Variants in EPB41L4A observed in about 807,000 individuals in gnomAD.
The protein encoded by EPB41L4A is band 4.1-like protein 4A.
In EPB41L4A, 100 loss-of-function variants were observed where a neutral mutation model predicts 108.6. That is an observed-to-expected ratio of 0.92 (90% CI 0.78 to 1.09). EPB41L4A has a LOEUF of 1.09. Ranked by LOEUF, EPB41L4A falls within the 50% of genes least tolerant of loss-of-function variation. The pLI is 0.00. For synonymous variants in EPB41L4A, 319 were observed against 289.0 expected, an observed-to-expected ratio of 1.10 and a Z score of -1.05; for missense variants, 1,030 against 842.7, an observed-to-expected ratio of 1.22 and a Z score of -2.75.
At chr5:112,237,023 T>A (rs1192339503) in intron 11 of EPB41L4A, among the ~76,000 whole-genome samples, 1 of 152,182 alleles carries the variant, frequency 6.6e-6, no homozygotes, top group Non-Finnish European at 1.5e-5. Flanking sequence ...AGGATCTGGG[T>A]TCCCAGGGGA....
chr5:112,156,472 C>A (rs1759651312), intron 12 of EPB41L4A, among the ~76,000 whole-genome samples: 1 of 150,764 alleles, frequency 6.6e-6, no homozygotes, highest in Admixed American at 6.6e-5. Flanking sequence ...GTCAGGCAGA[C>A]AGCAAGCGAA....
At chr5:112,254,966 C>G (rs771887602) in intron 9 of EPB41L4A, among the ~76,000 whole-genome samples, 1 of 152,074 alleles carries the variant, frequency 6.6e-6, no homozygotes, top group South Asian at 2.1e-4. Flanking sequence ...CCACTGTAGC[C>G]CTCGAGGGAT....
At chr5:112,153,186 T>A (rs1158322517) in intron 12 of EPB41L4A, among the ~76,000 whole-genome samples, 1 of 150,034 alleles carries the variant, frequency 6.7e-6, no homozygotes, top group African/African-American at 2.5e-5. Context: ...ACCATTGCAC[T>A]CCAGCCTGAG....
At chr5:112,419,525 C>G (rs549030243), upstream of EPB41L4A, 1 of 414,672 alleles carries the variant, frequency 2.4e-6, no homozygotes, top group Admixed American at 2.6e-5. Flanking sequence ...TCCGATCGGC[C>G]TGCGGAGTCC....
intron 1 of EPB41L4A, among the ~76,000 whole-genome samples, chr5:112,338,274 A>G (rs7720546): frequency 0.87 from 132,155 of 152,062 alleles, 57,610 homozygotes; most frequent in South Asian, 0.96. Flanking sequence ...TTCCCATAGC[A>G]GATCAGCTTC....
chr5:112,208,079 C>G (rs1762555389), intron 13 of EPB41L4A, among the ~76,000 whole-genome samples: 3 of 152,028 alleles, frequency 2.0e-5, no homozygotes, highest in African/African-American at 7.2e-5. Flanking sequence ...AACCCCATCT[C>G]TACCAAACCT....
chr5:112,275,945 A>G (rs1438851389), intron 3 of EPB41L4A, among the ~76,000 whole-genome samples: 1 of 152,178 alleles, frequency 6.6e-6, no homozygotes, highest in Admixed American at 6.5e-5. Context: ...ATTTCCGAGC[A>G]CAGAAATATC....
chr5:112,358,532 A>C (rs920165028), intron 1 of EPB41L4A, among the ~76,000 whole-genome samples: 5 of 152,242 alleles, frequency 3.3e-5, no homozygotes, highest in Non-Finnish European at 7.3e-5. Flanking sequence ...TCAGGACAGC[A>C]AAAGTTTAAC....
intron 1 of EPB41L4A, among the ~76,000 whole-genome samples, chr5:112,328,525 T>A (rs890913029): frequency 1.3e-5 from 2 of 152,142 alleles, no homozygotes; most frequent in African/African-American, 4.8e-5. Flanking sequence ...ATAAAATAGA[T>A]CTAACATAAG....
intron 1 of EPB41L4A, among the ~76,000 whole-genome samples, chr5:112,403,172 T>C (rs1561647493): frequency 6.6e-6 from 1 of 152,142 alleles, no homozygotes; most frequent in Non-Finnish European, 1.5e-5. Flanking sequence ...TGGTTTCCTT[T>C]ATAGCTGTTC....
rs751955627 is a variant in EPB41L4A at position 112,419,013 on chromosome 5, T to C, written c.27A>G (p.Glu9=). MGCFCAVP[E]EFYCEVLLLD... Reference sequence around the variant, plus strand: ...GGAGCAAAACTTCGCAGTAAAATTCTTCCGGAACAGCGCAGAAACAGCCCA... The same window carrying C: ...GGAGCAAAACTTCGCAGTAAAATTCCTCCGGAACAGCGCAGAAACAGCCCA... Residue 9 remains glutamate (E), a synonymous_variant, in exon 1 of 23, where the codon GAA becomes GAG. Transcript: ENST00000261486. 3.1e-6 allele frequency: 5 copies of C among 1,613,586 alleles called. No individual in the cohort carries two copies. Among genetic ancestry groups the C allele is most frequent in the Non-Finnish European group, 4.2e-6 (5 of 1,179,684 alleles).
At chr5:112,403,717 C>A (rs1761923891) in intron 1 of EPB41L4A, among the ~76,000 whole-genome samples, 1 of 152,204 alleles carries the variant, frequency 6.6e-6, no homozygotes, top group South Asian at 2.1e-4. Flanking sequence ...ATCCTCCCAC[C>A]TCGGCCTCCC....
chr5:112,204,722 T>A (rs1223335970), intron 14 of EPB41L4A: 1 of 374,108 alleles, frequency 2.7e-6, no homozygotes, highest in African/African-American at 2.0e-5. Context: ...TAGCCTTCAG[T>A]AGTAAAAAAT....
At position 112,396,474 on chromosome 5, in the gene EPB41L4A, T is replaced by TA. The variant is rs1221214669; in HGVS notation, c.99+22466dup. On this transcript the variant is annotated intron_variant, in intron 1 of 22. Coordinates refer to ENST00000261486, the MANE Select transcript of EPB41L4A (RefSeq NM_022140.5). ...CAAATTACCCCAAAACGTAATGGTT[T>TA]AAAACAACAAACATCTATCTCACAC... Among the ~76,000 whole-genome samples, 7 of 152,196 alleles carry TA rather than the reference T, an allele frequency of 4.6e-5. No homozygotes were observed. The East Asian group carries it at 1.2e-3, about 25-fold the overall frequency.
intron 2 of EPB41L4A, among the ~76,000 whole-genome samples, chr5:112,297,478 G>C (rs989721964): frequency 5.3e-5 from 8 of 152,030 alleles, no homozygotes; most frequent in African/African-American, 1.9e-4. Context: ...TCTACTTTTT[G>C]ATGGGATTGC....
At chr5:112,307,327 G>C in intron 2 of EPB41L4A, 59 bp downstream of exon 2, 3 of 1,131,072 alleles carry the variant, frequency 2.7e-6, no homozygotes, top group Non-Finnish European at 4.0e-6. Flanking sequence ...ATCAGGAAAA[G>C]CCAGAGATAG....
At chr5:112,339,812 A>T (rs1757194826) in intron 1 of EPB41L4A, among the ~76,000 whole-genome samples, 1 of 152,154 alleles carries the variant, frequency 6.6e-6, no homozygotes, top group African/African-American at 2.4e-5. Context: ...CTAGGATTAT[A>T]GGCGTGAGCC....
intron 9 of EPB41L4A, among the ~76,000 whole-genome samples, chr5:112,243,572 T>C (rs919028756): frequency 5.3e-5 from 8 of 152,178 alleles, no homozygotes; most frequent in African/African-American, 1.7e-4. Flanking sequence ...CAGAAGAAGG[T>C]TGTTTTGTCT....
At chr5:112,213,758 G>A (rs1747415580) in intron 12 of EPB41L4A, among the ~76,000 whole-genome samples, 1 of 152,150 alleles carries the variant, frequency 6.6e-6, no homozygotes, top group Non-Finnish European at 1.5e-5. Flanking sequence ...AGCCTTATTA[G>A]GAAGACTACA....
Sources: gnomAD v4.1 joint callset for allele counts (sites outside exome capture counted in the v4.1 genomes callset) on GRCh38, gnomAD v4.1.1 for gene constraint, MANE v1.5 for transcripts, NCBI Gene and HGNC (gene_info 2026-07-23, HGNC 2026-07-21) for gene names.